Variants in ROBO1 observed in about 807,000 individuals in gnomAD.
The protein encoded by ROBO1 is roundabout homolog 1.
In ROBO1, 149 loss-of-function variants were observed where a neutral mutation model predicts 195.9. The ratio of observed to expected loss-of-function variants is 0.76; its 90% confidence interval spans 0.67 to 0.87. The LOEUF (loss-of-function observed/expected upper bound fraction) is 0.87, where lower values mean the gene tolerates loss of function less well. ROBO1 is among the 40% of genes least tolerant of loss of function. ROBO1 has a pLI of 0.00. For missense variants in ROBO1, 1,933 were observed against 2,068.3 expected (o/e 0.93, Z 1.27); for synonymous variants, 816 against 733.2 (o/e 1.11, Z -1.82).
At chr3:79,751,838 T>C (rs904572053) in intron 1 of ROBO1, among the ~76,000 whole-genome samples, 2 of 152,178 alleles carry the variant, frequency 1.3e-5, no homozygotes, top group African/African-American at 4.8e-5. Context: ...CTTTTCCATT[T>C]ATTTTATCCA....
intron 2 of ROBO1, among the ~76,000 whole-genome samples, chr3:79,463,248 G>A (rs891535965): frequency 9.2e-5 from 14 of 152,056 alleles, no homozygotes; most frequent in Non-Finnish European, 2.1e-4. Flanking sequence ...GGTGGCGGGC[G>A]CCTGTAGTCC....
At chr3:78,883,053 T>C (rs951517888) in intron 4 of ROBO1, among the ~76,000 whole-genome samples, 4 of 152,008 alleles carry the variant, frequency 2.6e-5, no homozygotes, top group Non-Finnish European at 5.9e-5. Context: ...CCTCAAATGA[T>C]CCTCCTGCCT....
intron 4 of ROBO1, among the ~76,000 whole-genome samples, chr3:78,774,912 G>T (rs2083467060): frequency 6.6e-6 from 1 of 152,046 alleles, no homozygotes; most frequent in African/African-American, 2.4e-5. Flanking sequence ...TATATATTAA[G>T]TCAATATCCA....
At chr3:79,358,282 G>T (rs993653618) in intron 2 of ROBO1, among the ~76,000 whole-genome samples, 3 of 152,014 alleles carry the variant, frequency 2.0e-5, no homozygotes, top group Admixed American at 6.6e-5. Context: ...TATAGATACG[G>T]CTATTCATAT....
intron 3 of ROBO1, among the ~76,000 whole-genome samples, chr3:79,099,177 T>TAGAAGCAA (rs2079628329): frequency 6.6e-6 from 1 of 151,850 alleles, no homozygotes; most frequent in East Asian, 1.9e-4. Context: ...ATACTTTTTC[T>TAGAAGCAA]GCCTCTAGAT....
intron 4 of ROBO1, among the ~76,000 whole-genome samples, chr3:78,916,976 G>C (rs2038638173): frequency 6.6e-6 from 1 of 152,020 alleles, no homozygotes; most frequent in Non-Finnish European, 1.5e-5. Flanking sequence ...TTAAGCATTA[G>C]CAAATCAGAT....
intron 2 of ROBO1, among the ~76,000 whole-genome samples, chr3:79,168,623 T>G (rs1227513752): frequency 1.3e-5 from 2 of 152,152 alleles, no homozygotes; most frequent in African/African-American, 2.4e-5. Context: ...TGTTTGGAGG[T>G]TAAAGTCATG....
At chr3:78,792,460 G>A (rs2084049781) in intron 4 of ROBO1, among the ~76,000 whole-genome samples, 1 of 152,166 alleles carries the variant, frequency 6.6e-6, no homozygotes, top group Admixed American at 6.5e-5. Context: ...AATTTCACAA[G>A]TAATTATGCA....
At chr3:79,351,138 A>G (rs1352533151) in intron 2 of ROBO1, among the ~76,000 whole-genome samples, 2 of 152,218 alleles carry the variant, frequency 1.3e-5, no homozygotes, top group Non-Finnish European at 2.9e-5. Flanking sequence ...AAAAAAGCTA[A>G]TATAAATGAG....
intron 3 of ROBO1, among the ~76,000 whole-genome samples, chr3:79,016,646 C>T (rs1299863048): frequency 6.6e-6 from 1 of 152,094 alleles, no homozygotes; most frequent in African/African-American, 2.4e-5. Context: ...TTAATGTGAC[C>T]CTATCTTTAA....
intron 4 of ROBO1, among the ~76,000 whole-genome samples, chr3:78,909,783 TA>T (rs2038139884): frequency 1.3e-5 from 2 of 151,830 alleles, no homozygotes; most frequent in Admixed American, 6.6e-5. Context: ...GTCTTTTTTT[TA>T]CACCACCAGT....
At chr3:78,636,224 C>A in intron 22 of ROBO1, 116 bp from the exon 23 acceptor site, 14 of 645,750 alleles carry the variant, frequency 2.2e-5, no homozygotes, top group Admixed American at 3.2e-5. Flanking sequence ...TACAAGTGGG[C>A]TTAAATAAGA....
chr3:78,629,122 T>C (rs964843649), intron 25 of ROBO1, among the ~76,000 whole-genome samples: 1 of 152,138 alleles, frequency 6.6e-6, no homozygotes, highest in Non-Finnish European at 1.5e-5. Context: ...GTGTTTCATG[T>C]TAGTTTTCCA....
At chr3:79,593,700 T>C (rs986482628) in intron 1 of ROBO1, among the ~76,000 whole-genome samples, 1 of 151,992 alleles carries the variant, frequency 6.6e-6, no homozygotes, top group African/African-American at 2.4e-5. Context: ...AACCTCCGCC[T>C]CCCAGGCTCA....
chr3:79,758,152 C>T (rs1704506451), intron 1 of ROBO1, among the ~76,000 whole-genome samples: 1 of 152,154 alleles, frequency 6.6e-6, no homozygotes, highest in African/African-American at 2.4e-5. Flanking sequence ...ATAAATTCAT[C>T]TCCTTCTAAT....
intron 1 of ROBO1, among the ~76,000 whole-genome samples, chr3:79,650,866 A>G (rs1945984179): frequency 6.6e-6 from 1 of 151,998 alleles, no homozygotes; most frequent in Non-Finnish European, 1.5e-5. Context: ...GACCCCATTT[A>G]GAAAATATTC....
Position 79,525,272 on chromosome 3 carries a change from A to G in ROBO1, c.88+64552T>C, listed in dbSNP as rs574953310. Among the ~76,000 whole-genome samples the G allele has an allele frequency of 2.0e-3, 300 of 150,322 alleles. 1 individual carries two copies. Among genetic ancestry groups the G allele is most frequent in the African/African-American group, 5.2e-3 (213 of 41,296 alleles). On this transcript the variant is annotated intron_variant, in intron 2 of 30. Transcript: ENST00000464233. ...CTATATGTATAATGTCTGTATAATT[A>G]CATATATATTTAATTATGTAATACA...
At chr3:79,345,441 C>G (rs2035073971) in intron 2 of ROBO1, among the ~76,000 whole-genome samples, 2 of 152,062 alleles carry the variant, frequency 1.3e-5, no homozygotes, top group African/African-American at 4.8e-5. Context: ...GACTTCTCTT[C>G]TTCCTTTTAT....
At position 78,892,849 on chromosome 3, in the gene ROBO1, C is replaced by T. The variant is rs1272802474; in HGVS notation, c.499+45752G>A. On this transcript the variant is annotated intron_variant, in intron 4 of 30. Coordinates refer to ENST00000464233, the MANE Select transcript of ROBO1 (RefSeq NM_002941.4). ...TTATATAAAATCAACTACATAGTCA[C>T]AGGAATTCCTTTTCCCATTCCACTC... 2.6e-5 allele frequency among the ~76,000 whole-genome samples: 4 copies of T among 152,144 alleles called. No homozygotes were observed. The East Asian group carries it at 7.7e-4, about 29-fold the overall frequency.
Sources: gnomAD v4.1 joint callset for allele counts (sites outside exome capture counted in the v4.1 genomes callset) on GRCh38, gnomAD v4.1.1 for gene constraint, MANE v1.5 for transcripts, NCBI Gene and HGNC (gene_info 2026-07-23, HGNC 2026-07-21) for gene names.